Variants in C10orf90 observed in about 807,000 individuals in gnomAD.
The protein encoded by C10orf90 is (E2-independent) E3 ubiquitin-conjugating enzyme FATS.
Under a neutral mutation model 62.5 loss-of-function variants are expected in C10orf90, and 56 were observed. The observed-to-expected ratio is 0.90, with a 90% CI of 0.72 to 1.12. The LOEUF (loss-of-function observed/expected upper bound fraction) is 1.12. Ranked by LOEUF, C10orf90 falls within the 50% of genes most tolerant of loss-of-function variation. C10orf90 has a pLI of 0.00. For synonymous variants in C10orf90, 386 were observed against 340.4 expected, an observed-to-expected ratio of 1.13 and a Z score of -1.47; for missense variants, 970 against 880.4, an observed-to-expected ratio of 1.10 and a Z score of -1.29.
intron 2 of C10orf90, among the ~76,000 whole-genome samples, chr10:126,627,228 G>A (rs1470140289): frequency 6.6e-6 from 1 of 152,058 alleles, no homozygotes; most frequent in Non-Finnish European, 1.5e-5. Flanking sequence ...CTAGACTCCT[G>A]ATCTCAAGTA....
intron 1 of C10orf90, among the ~76,000 whole-genome samples, chr10:126,648,164 G>GT (rs142360604): frequency 0.093 from 13,925 of 148,948 alleles, 648 homozygotes; most frequent in South Asian, 0.15. Context: ...TGCCATGTTT[G>GT]TTTTTTTTTT....
At chr10:126,547,063 C>A (rs772977394) in intron 2 of C10orf90, among the ~76,000 whole-genome samples, 1 of 151,982 alleles carries the variant, frequency 6.6e-6, no homozygotes, top group Admixed American at 6.5e-5. Flanking sequence ...GAGCCAAGAT[C>A]GTGCTACTGC....
intron 7 of C10orf90, among the ~76,000 whole-genome samples, chr10:126,458,562 T>C (rs1859733206): frequency 6.6e-6 from 1 of 152,176 alleles, no homozygotes; most frequent in Non-Finnish European, 1.5e-5. Flanking sequence ...ACAGGATCAG[T>C]GTGACACTGG....
intron 2 of C10orf90, among the ~76,000 whole-genome samples, chr10:126,533,386 G>A (rs1182061314): frequency 1.3e-5 from 2 of 152,170 alleles, no homozygotes; most frequent in East Asian, 1.9e-4. Context: ...TTAAGATCAA[G>A]GTGATAGCAT....
At chr10:126,609,676 G>A (rs566475285) in intron 2 of C10orf90, among the ~76,000 whole-genome samples, 1 of 152,340 alleles carries the variant, frequency 6.6e-6, no homozygotes, top group Admixed American at 6.5e-5. Flanking sequence ...AGGGACAGGA[G>A]GGCCTTAGGA....
intron 4 of C10orf90, among the ~76,000 whole-genome samples, chr10:126,497,099 T>C (rs1172879943): frequency 6.6e-6 from 1 of 151,830 alleles, no homozygotes; most frequent in African/African-American, 2.4e-5. Context: ...CAATGTCAAG[T>C]GAGTGAGGGG....
intron 4 of C10orf90, among the ~76,000 whole-genome samples, chr10:126,475,692 C>T (rs1295951475): frequency 6.6e-6 from 1 of 152,084 alleles, no homozygotes; most frequent in Admixed American, 6.6e-5. Context: ...AAATCTTTAA[C>T]CTTAATTCAT....
chr10:126,642,418 G>C (rs1161004669), intron 2 of C10orf90, among the ~76,000 whole-genome samples: 1 of 152,082 alleles, frequency 6.6e-6, no homozygotes, highest in Admixed American at 6.5e-5. Flanking sequence ...TGTAGTCCCA[G>C]CTACTCGGGA....
intron 7 of C10orf90, among the ~76,000 whole-genome samples, chr10:126,439,787 T>C (rs1858183079): frequency 6.6e-6 from 1 of 152,076 alleles, no homozygotes; most frequent in African/African-American, 2.4e-5. Flanking sequence ...TGAAAATGAA[T>C]GAAGAAAGCT....
Position 126,460,494 on chromosome 10 carries a change from G to T in C10orf90, c.2010+907C>A, listed in dbSNP as rs1859900298. Reference sequence around the variant, plus strand: ...CCCTGGCAGCTACACTGGGGGAGAAGTCTTCTTGGCCAGCTCCCCACATGG... The same window carrying T: ...CCCTGGCAGCTACACTGGGGGAGAATTCTTCTTGGCCAGCTCCCCACATGG... On this transcript the variant is annotated intron_variant, in intron 6 of 9. Transcript: ENST00000488181. 2.6e-5 allele frequency among the ~76,000 whole-genome samples: 4 copies of T among 152,238 alleles called. No individual in the cohort carries two copies. The South Asian group carries it at 8.3e-4, about 31-fold the overall frequency.
At chr10:126,438,446 T>C (rs1452843424) in intron 7 of C10orf90, among the ~76,000 whole-genome samples, 2 of 152,188 alleles carry the variant, frequency 1.3e-5, no homozygotes, top group Non-Finnish European at 2.9e-5. Context: ...AAAACAGGAT[T>C]AAACAAATTT....
At chr10:126,494,661 A>C (rs1291800764) in intron 4 of C10orf90, among the ~76,000 whole-genome samples, 1 of 152,238 alleles carries the variant, frequency 6.6e-6, no homozygotes, top group African/African-American at 2.4e-5. Flanking sequence ...CTTGCATGCA[A>C]ATGTTTCACT....
At chr10:126,660,550 C>T (rs1846489113) in intron 1 of C10orf90, among the ~76,000 whole-genome samples, 1 of 152,182 alleles carries the variant, frequency 6.6e-6, no homozygotes, top group Non-Finnish European at 1.5e-5. Context: ...TGAATTCTGC[C>T]AAGAACCAGT....
intron 2 of C10orf90, among the ~76,000 whole-genome samples, chr10:126,526,761 A>G (rs1863961742): frequency 6.6e-6 from 1 of 152,114 alleles, no homozygotes; most frequent in Admixed American, 6.5e-5. Flanking sequence ...CCACTCAACA[A>G]CTGTCTCTCT....
chr10:126,638,411 G>T (rs557922264), intron 2 of C10orf90, among the ~76,000 whole-genome samples: 2 of 152,244 alleles, frequency 1.3e-5, no homozygotes, highest in East Asian at 3.9e-4. Context: ...CCTCTTGCCT[G>T]GTTGGTGTCC....
intron 2 of C10orf90, among the ~76,000 whole-genome samples, chr10:126,617,818 T>A: frequency 6.6e-6 from 1 of 152,222 alleles, no homozygotes; most frequent in Admixed American, 6.5e-5. Flanking sequence ...GAGCTCTACC[T>A]CTGTCCTACC....
intron 4 of C10orf90, chr10:126,469,963 A>G (rs932119518): frequency 2.4e-5 from 11 of 456,626 alleles, no homozygotes; most frequent in Non-Finnish European, 4.0e-5. Flanking sequence ...AATACGTTGC[A>G]TGCTGCGGAG....
chr10:126,459,280 G>C, intron 6 of C10orf90, 63 bp from the exon 7 acceptor site: 1 of 1,584,758 alleles, frequency 6.3e-7, no homozygotes, highest in Non-Finnish European at 8.6e-7. Context: ...CAACGCATCT[G>C]TCTGATGCAG....
intron 3 of C10orf90, among the ~76,000 whole-genome samples, chr10:126,510,238 A>T (rs895683695): frequency 2.0e-5 from 3 of 152,172 alleles, no homozygotes; most frequent in Non-Finnish European, 4.4e-5. Context: ...GGGGGATGCA[A>T]TTCAGCCCCT....
Sources: allele counts gnomAD v4.1 joint callset (sites outside exome capture counted in the v4.1 genomes callset), GRCh38; gene constraint gnomAD v4.1.1; transcripts MANE v1.5; gene names NCBI Gene and HGNC (gene_info 2026-07-23, HGNC 2026-07-21).